The following ARHGEF10L variants were observed in gnomAD, a reference collection of about 807,000 sequenced individuals.
ARHGEF10L encodes Rho guanine nucleotide exchange factor 10 like.
Under a neutral mutation model 141.2 loss-of-function variants are expected in ARHGEF10L, and 69 were observed. The ratio of observed to expected loss-of-function variants is 0.49; its 90% CI spans 0.40 to 0.60. The LOEUF is 0.60. ARHGEF10L is among the 20% of genes least tolerant of loss of function. The pLI, the probability that ARHGEF10L is intolerant of heterozygous loss-of-function variation, is 0.00. For missense variants in ARHGEF10L, 1,482 were observed against 1,734.3 expected (o/e 0.85, Z 2.58); for synonymous variants, 711 against 718.5 (o/e 0.99, Z 0.17).
intron 26 of ARHGEF10L, among the ~76,000 whole-genome samples, chr1:17,683,706 T>A (rs2064335064): frequency 6.6e-6 from 1 of 152,228 alleles, no homozygotes; most frequent in Admixed American, 6.5e-5. Context: ...CCTCCCCGCT[T>A]TGGGCTCAGC....
chr1:17,639,893 G>A lies in ARHGEF10L; in HGVS notation c.2172-309G>A. 1 of 1,426,068 alleles carries A rather than the reference G, an allele frequency of 7.0e-7. No individual in the cohort carries two copies. The highest frequency in any genetic ancestry group is 9.3e-7 in the Non-Finnish European group (1 of 1,076,998). 88.3% of individuals were successfully genotyped at this position (1,426,068 alleles called of 1,614,324 possible). A position where few individuals can be genotyped will look rare whatever the true frequency, so the allele number is the denominator to read the frequency against. On this transcript the variant is annotated intron_variant, in intron 20 of 28. Coordinates refer to ENST00000361221, the MANE Select transcript of ARHGEF10L (RefSeq NM_018125.4). This position sits in a 1 kb window ranked among gnomAD's most constrained non-coding sequence, Gnocchi z 4.3. ...GTGGACAGCTGACCGCTGACCAGGT[G>A]GAGTCACAGCCTGCAGAGGCTCTGC...
intron 27 of ARHGEF10L, 132 bp from the exon 28 acceptor site, chr1:17,695,026 C>A: frequency 7.3e-7 from 1 of 1,378,552 alleles, no homozygotes. Flanking sequence ...AGCTCTTCCC[C>A]ACCCCACCGC....
At chr1:17,686,324 A>AT (rs1397093724) in intron 26 of ARHGEF10L, among the ~76,000 whole-genome samples, 1 of 151,848 alleles carries the variant, frequency 6.6e-6, no homozygotes. Flanking sequence ...CCATCCATTC[A>AT]TTTTTTTGAC....
intron 15 of ARHGEF10L, among the ~76,000 whole-genome samples, chr1:17,632,036 C>T (rs2060722507): frequency 6.6e-6 from 1 of 152,208 alleles, no homozygotes; most frequent in Non-Finnish European, 1.5e-5. Flanking sequence ...GAGGGGCTGG[C>T]AATGGCTGGC....
chr1:17,683,076 C>A (rs1034695327), intron 26 of ARHGEF10L, among the ~76,000 whole-genome samples: 2 of 152,040 alleles, frequency 1.3e-5, no homozygotes, highest in African/African-American at 4.8e-5. Flanking sequence ...GGGCTTCCCC[C>A]CTGCTCTCAC....
intron 12 of ARHGEF10L, among the ~76,000 whole-genome samples, chr1:17,624,039 G>T (rs1281942165): frequency 6.6e-6 from 1 of 152,202 alleles, no homozygotes; most frequent in Admixed American, 6.5e-5. Context: ...GAACGTGAAT[G>T]CAGTAGAAGG....
chr1:17,627,548 A>T lies in ARHGEF10L; in HGVS notation c.1584+45A>T. ...TGCCTGCCCTCACCTGCCTGCCCTC[A>T]CCTGTGCTCCTGCCCGTGCCCCTGC... On this transcript the variant is annotated intron_variant, in intron 15 of 28. Coordinates refer to ENST00000361221, the MANE Select transcript of ARHGEF10L (RefSeq NM_018125.4). This position sits in a 1 kb window ranked among gnomAD's most constrained non-coding sequence, Gnocchi z 4.0. 1 of 1,591,832 alleles carries T rather than the reference A, an allele frequency of 6.3e-7. No individual in the cohort carries two copies. The highest frequency in any genetic ancestry group is 8.6e-7 in the Non-Finnish European group (1 of 1,168,862).
chr1:17,646,109 G>T lies in ARHGEF10L; in HGVS notation c.2273-2445G>T, dbSNP rs1284171460. ...TCACTGCTCAGTGACTCAGGCCGGA[G>T]GGTGTGAGCCCGCCGGGTGCTGGCG... On this transcript the variant is annotated intron_variant, in intron 21 of 28. Transcript: ENST00000361221. Among the ~76,000 whole-genome samples, 3 of 152,354 alleles carry T rather than the reference G, an allele frequency of 2.0e-5. No individual in the cohort carries two copies. In the East Asian group the frequency reaches 5.8e-4, roughly 29 times the overall value.
In ARHGEF10L at chr1:17,627,404, G is replaced by A. The variant is rs144173557; in HGVS notation, c.1485G>A (p.Thr495=). Residue 495 remains threonine (T), a synonymous_variant, in exon 15 of 29, where the codon ACG becomes ACA. Transcript: ENST00000361221. The surrounding 1 kb of genome is among the most constrained non-coding windows in gnomAD (Gnocchi z 4.0). ...AGCTGGCCCTCACAGAGCTGGAGAC[G>A]CTGGCTGAGAAGCTGAACGAGCAGA... The part of the protein sequence containing the change: ...SLQLALTELE[T]LAEKLNEQKR... 2.1e-4 allele frequency: 332 copies of A among 1,614,040 alleles called. No homozygotes were observed. The African/African-American group carries it at 2.8e-3, about 13-fold the overall frequency.
intron 25 of ARHGEF10L, among the ~76,000 whole-genome samples, chr1:17,659,596 C>A (rs1043591395): frequency 2.0e-5 from 3 of 152,218 alleles, no homozygotes; most frequent in Non-Finnish European, 4.4e-5. Context: ...GGCTCTGTAT[C>A]AACCTCAGAA....
At chr1:17,583,310 T>C (rs1017187756) in intron 2 of ARHGEF10L, among the ~76,000 whole-genome samples, 17 of 151,728 alleles carry the variant, frequency 1.1e-4, no homozygotes, top group Admixed American at 1.0e-3. Context: ...TGGAGAGGAC[T>C]GCCCTTCTCA....
the ARHGEF10L span, among the ~76,000 whole-genome samples, chr1:17,520,182 C>T: frequency 6.6e-6 from 1 of 152,204 alleles, no homozygotes; most frequent in African/African-American, 2.4e-5. Flanking sequence ...GGCTCAGCCC[C>T]GGCTGGCTTG....
At position 17,558,177 on chromosome 1, in the gene ARHGEF10L, C is replaced by T. The variant is rs1183651659; in HGVS notation, c.-44+18227C>T. 5.9e-5 allele frequency among the ~76,000 whole-genome samples: 9 copies of T among 151,922 alleles called. No individual in the cohort carries two copies. Among genetic ancestry groups the T allele is most frequent in the Admixed American group, 5.9e-4 (9 of 15,232 alleles). ...TCCATCCATCCATCTATGCATCCAT[C>T]CATCCATCCACCCATCCATCCATCC... On this transcript the variant is annotated intron_variant, in intron 1 of 28. Transcript: ENST00000361221. This position sits in a 1 kb window ranked among gnomAD's most constrained non-coding sequence, Gnocchi z 4.2.
chr1:17,695,227 G>T lies in ARHGEF10L; in HGVS notation c.3254G>T (p.Gly1085Val). Residue 1085 changes from glycine (G) to valine (V), a missense_variant, in exon 28 of 29, where the codon GGT becomes GTT. Transcript: ENST00000361221. ...QGLLWVGTDQ[G>V]VIVLLPVPRL... ...CTGCTCTGGGTGGGCACTGACCAGG[G>T]TGTCATCGTCCTGCTGCCCGTGCCT... 6.2e-7 allele frequency: 1 copy of T among 1,610,180 alleles called. No homozygotes were observed. The highest frequency in any genetic ancestry group is 8.5e-7 in the Non-Finnish European group (1 of 1,178,740).
chr1:17,578,997 C>T (rs538801442), intron 1 of ARHGEF10L, among the ~76,000 whole-genome samples: 1 of 152,080 alleles, frequency 6.6e-6, no homozygotes, highest in East Asian at 1.9e-4. Flanking sequence ...ATTAGGGCAA[C>T]CAGGGTGGGA....
rs1356101878 is a variant in ARHGEF10L, at chr1:17,640,199, C to T, written c.2172-3C>T. 3 of 1,609,658 alleles carry T rather than the reference C, an allele frequency of 1.9e-6. No individual in the cohort carries two copies. The highest frequency in any genetic ancestry group is 2.5e-6 in the Non-Finnish European group (3 of 1,177,608). On this transcript the variant is annotated splice_polypyrimidine_tract_variant and splice_region_variant and intron_variant, in intron 20 of 28. Coordinates refer to ENST00000361221, the MANE Select transcript of ARHGEF10L (RefSeq NM_018125.4). ...ACATCCACTCTAACCCTTCTCACCACAGGTCCGGCCGCCCCATTAGCTTCA... is the reference window on the plus strand; with the variant it reads ...ACATCCACTCTAACCCTTCTCACCATAGGTCCGGCCGCCCCATTAGCTTCA...
chr1:17,563,237 CTTT>C lies in ARHGEF10L; in HGVS notation c.-43-17303_-43-17301del, dbSNP rs55911525. Among the ~76,000 whole-genome samples, 203 of 142,566 alleles carry C rather than the reference CTTT, an allele frequency of 1.4e-3. 1 individual carries two copies. The highest frequency in any genetic ancestry group is 4.6e-3 in the African/African-American group (180 of 38,986). 93.5% of individuals were successfully genotyped at this position (142,566 alleles called of 152,430 possible). On this transcript the variant is annotated intron_variant, in intron 1 of 28. Coordinates refer to ENST00000361221, the MANE Select transcript of ARHGEF10L (RefSeq NM_018125.4). ...GTAAGCTTTGTCAGAGAGCCCTTTT[CTTT>C]TTTTTTTTTTTTGAGACAGGGTCTC... is the stretch of plus-strand genomic sequence containing the variant.
rs918449469 is a variant in ARHGEF10L, at chr1:17,627,251, G to T, written c.1411-79G>T. ...GCAGACCCAGTGTGTGTAGGGGGTT[G>T]CGCAGGGTGAGGCTTTGCCCCAGGC... On this transcript the variant is annotated intron_variant, in intron 14 of 28. Transcript: ENST00000361221. This position sits in a 1 kb window ranked among gnomAD's most constrained non-coding sequence, Gnocchi z 4.0. 1.4e-5 allele frequency: 21 copies of T among 1,545,822 alleles called. No homozygotes were observed. The highest frequency in any genetic ancestry group is 1.7e-5 in the Non-Finnish European group (19 of 1,134,696).
At chr1:17,696,729 T>C in intron 28 of ARHGEF10L, 119 bp from the exon 29 acceptor site, 1 of 1,075,654 alleles carries the variant, frequency 9.3e-7, no homozygotes, top group East Asian at 2.6e-5. Context: ...GGTGCCAACA[T>C]AGACAGAAGT....
Sources: gnomAD v4.1 joint callset for allele counts (sites outside exome capture counted in the v4.1 genomes callset) on GRCh38, gnomAD v4.1.1 for gene constraint, Gnocchi (gnomAD v3.1) non-coding constraint, MANE v1.5 for transcripts, NCBI Gene and HGNC (gene_info 2026-07-23, HGNC 2026-07-21) for gene names.